MACROD2: variants seen among roughly 807,000 people sequenced by gnomAD.
MACROD2 encodes ADP-ribose glycohydrolase MACROD2.
MACROD2 carries 36 observed loss-of-function variants against 70.4 expected under a neutral mutation model. The observed-to-expected ratio is 0.51, with a 90% CI of 0.39 to 0.68. The LOEUF (loss-of-function observed/expected upper bound fraction) is 0.68, where lower values mean the gene tolerates loss of function less well. Among genes scored for constraint, MACROD2 ranks in the 30% least tolerant of loss-of-function variants. The pLI is 0.00. For synonymous variants in MACROD2, 172 were observed against 178.8 expected (o/e 0.96, Z 0.30); for missense variants, 496 against 538.4 (o/e 0.92, Z 0.78).
chr20:15,403,921 G>C (rs1485305273), intron 6 of MACROD2, among the ~76,000 whole-genome samples: 4 of 152,134 alleles, frequency 2.6e-5, no homozygotes, highest in Non-Finnish European at 5.9e-5. Flanking sequence ...AACTATAATG[G>C]TGCCTACAAG....
chr20:14,646,211 G>T (rs1600494841), intron 4 of MACROD2, among the ~76,000 whole-genome samples: 1 of 151,986 alleles, frequency 6.6e-6, no homozygotes, highest in African/African-American at 2.4e-5. Flanking sequence ...TTTTATTAAG[G>T]AAGCTAATGA....
At chr20:14,396,804 A>G (rs2083584812) in intron 3 of MACROD2, among the ~76,000 whole-genome samples, 1 of 150,746 alleles carries the variant, frequency 6.6e-6, no homozygotes, top group South Asian at 2.1e-4. Flanking sequence ...GGGTGCCTGT[A>G]GTTCCAGCTA....
intron 7 of MACROD2, among the ~76,000 whole-genome samples, chr20:15,432,474 G>T (rs527695124): frequency 6.6e-6 from 1 of 152,008 alleles, no homozygotes; most frequent in East Asian, 1.9e-4. Flanking sequence ...TGAGCACTGG[G>T]CTGGAGGGGG....
At chr20:14,143,054 C>CT (rs891212900) in intron 3 of MACROD2, among the ~76,000 whole-genome samples, 11 of 152,086 alleles carry the variant, frequency 7.2e-5, no homozygotes, top group African/African-American at 1.9e-4. Flanking sequence ...TTTCATCATT[C>CT]TTTTTTTCTA....
intron 5 of MACROD2, among the ~76,000 whole-genome samples, chr20:15,104,269 G>A (rs759137827): frequency 6.6e-6 from 1 of 152,048 alleles, no homozygotes; most frequent in Non-Finnish European, 1.5e-5. Context: ...ATGATAGTAG[G>A]ATAAGTTCTT....
intron 8 of MACROD2, among the ~76,000 whole-genome samples, chr20:15,852,925 T>C (rs2064316219): frequency 6.6e-6 from 1 of 152,160 alleles, no homozygotes; most frequent in South Asian, 2.1e-4. Context: ...GAGGGAGGAC[T>C]CCTTGATTTC....
At chr20:14,700,144 C>T (rs1028634052) in intron 5 of MACROD2, among the ~76,000 whole-genome samples, 1 of 151,834 alleles carries the variant, frequency 6.6e-6, no homozygotes, top group Non-Finnish European at 1.5e-5. Flanking sequence ...TTAACTTCTC[C>T]TTATATTAAA....
intron 5 of MACROD2, among the ~76,000 whole-genome samples, chr20:14,724,355 T>C (rs1031565657): frequency 2.6e-5 from 4 of 152,176 alleles, no homozygotes; most frequent in African/African-American, 9.7e-5. Flanking sequence ...ATAATAATAG[T>C]TCCCATCACC....
Position 14,337,619 on chromosome 20 carries a change from C to T in MACROD2, c.272-155860C>T, listed in dbSNP as rs905639960. On this transcript the variant is annotated intron_variant, in intron 3 of 17. Coordinates refer to ENST00000684519, the MANE Select transcript of MACROD2 (RefSeq NM_001351661.2). ...GCATTCCAGTTTACTGCACACAGCC[C>T]ACCTCCAAGTCTGAAGTTTAAAGCT... 7 of 398,500 alleles carry T rather than the reference C, an allele frequency of 1.8e-5. No homozygotes were observed. In the Admixed American group the frequency reaches 1.8e-4, roughly 10 times the overall value. The allele number at this position is 398,500 out of a possible 1,614,324, so 24.7% of individuals were successfully genotyped here. A position where few individuals can be genotyped will look rare whatever the true frequency, so the allele number is the denominator to read the frequency against.
chr20:15,885,703 A>G, intron 9 of MACROD2, 61 bp from the exon 10 acceptor site: 1 of 1,382,424 alleles, frequency 7.2e-7, no homozygotes, highest in Non-Finnish European at 9.5e-7. Flanking sequence ...TCCATCTGGA[A>G]CATTCTTGTG....
chr20:14,514,772 G>A (rs539082182), intron 4 of MACROD2, among the ~76,000 whole-genome samples: 31 of 152,054 alleles, frequency 2.0e-4, no homozygotes, highest in African/African-American at 7.2e-4. Flanking sequence ...AAAGACCTAG[G>A]ATACAATGGA....
intron 3 of MACROD2, among the ~76,000 whole-genome samples, chr20:14,275,007 C>G (rs1163108607): frequency 6.6e-6 from 1 of 152,152 alleles, no homozygotes; most frequent in African/African-American, 2.4e-5. Flanking sequence ...AGGATACAAA[C>G]AAATGGAAGA....
rs1032927674 is a variant in MACROD2 at position 14,162,795 on chromosome 20, G to T, written c.271+77067G>T. On this transcript the variant is annotated intron_variant, in intron 3 of 17. Transcript: ENST00000684519. Reference sequence around the variant, plus strand: ...TATAGGCAGCATATAGTTGGGTCATGTTTTATTTATTTATTTATTTTTAAT... The same window carrying T: ...TATAGGCAGCATATAGTTGGGTCATTTTTTATTTATTTATTTATTTTTAAT... 2.0e-5 allele frequency among the ~76,000 whole-genome samples: 3 copies of T among 151,852 alleles called. No homozygotes were observed. The East Asian group carries it at 5.8e-4, about 29-fold the overall frequency.
intron 5 of MACROD2, among the ~76,000 whole-genome samples, chr20:14,943,922 A>G (rs1448784453): frequency 2.0e-5 from 3 of 152,258 alleles, no homozygotes; most frequent in Middle Eastern, 3.4e-3. Flanking sequence ...ACAAGAGGAT[A>G]TGTTTCTTTT....
chr20:14,306,676 G>A (rs2082523542), intron 3 of MACROD2, among the ~76,000 whole-genome samples: 1 of 152,044 alleles, frequency 6.6e-6, no homozygotes, highest in Admixed American at 6.6e-5. Flanking sequence ...CTAGGGAGAG[G>A]ACAAGTTGTA....
chr20:15,177,751 T>C (rs950654962), intron 5 of MACROD2, among the ~76,000 whole-genome samples: 3 of 152,182 alleles, frequency 2.0e-5, no homozygotes, highest in Non-Finnish European at 2.9e-5. Flanking sequence ...ACTTTTTTTT[T>C]CCCTCCTCTT....
chr20:15,454,973 C>T (rs377748896), intron 7 of MACROD2, among the ~76,000 whole-genome samples: 1 of 152,052 alleles, frequency 6.6e-6, no homozygotes, highest in Non-Finnish European at 1.5e-5. Context: ...CCTTTACTGT[C>T]GAAGGCCATC....
intron 3 of MACROD2, among the ~76,000 whole-genome samples, chr20:14,349,806 CTTTTTTTCTTTTT>C (rs2083103781): frequency 7.0e-6 from 1 of 142,636 alleles, no homozygotes. Context: ...GAATCTTATT[CTTTTTTTCTTTTT>C]TTTTTTTTTT....
chr20:14,107,381 A>C (rs1007049637), intron 3 of MACROD2, among the ~76,000 whole-genome samples: 1 of 152,166 alleles, frequency 6.6e-6, no homozygotes, highest in African/African-American at 2.4e-5. Context: ...ATAGAAAAGA[A>C]TGAAGCATGC....
Sources: allele counts gnomAD v4.1 joint callset (sites outside exome capture counted in the v4.1 genomes callset), GRCh38; gene constraint gnomAD v4.1.1; transcripts MANE v1.5; gene names NCBI Gene and HGNC (gene_info 2026-07-23, HGNC 2026-07-21).